GFM1: variants seen among roughly 807,000 people sequenced by gnomAD.
GFM1 encodes the protein G elongation factor mitochondrial 1.
Under a neutral mutation model 96.2 loss-of-function variants are expected in GFM1, and 62 were observed. The observed-to-expected ratio is 0.64, with a 90% CI of 0.53 to 0.80. The LOEUF is 0.80. Among genes scored for constraint, GFM1 ranks in the 30% least tolerant of loss-of-function variants. GFM1 has a pLI of 0.00. For missense variants in GFM1, 852 were observed against 916.6 expected, an observed-to-expected ratio of 0.93 and a Z score of 0.91; for synonymous variants, 282 against 312.9, an observed-to-expected ratio of 0.90 and a Z score of 1.04.
intron 13 of GFM1, chr3:158,672,409 GGTAGTTGAT>G (rs1724423100): frequency 6.2e-7 from 1 of 1,613,974 alleles, no homozygotes; most frequent in South Asian, 1.1e-5. Flanking sequence ...GTCCCCTGCT[GGTAGTTGAT>G]GTAGTTCTGT....
intron 8 of GFM1, among the ~76,000 whole-genome samples, chr3:158,655,283 A>G (rs1383941752): frequency 6.6e-6 from 1 of 152,156 alleles, no homozygotes; most frequent in Non-Finnish European, 1.5e-5. Flanking sequence ...CAGGAGTTCG[A>G]GACCAGCCTA....
At chr3:158,671,076 C>G in intron 13 of GFM1, 1 of 1,414,160 alleles carries the variant, frequency 7.1e-7, no homozygotes, top group African/African-American at 1.5e-5. Context: ...ATTATACTTG[C>G]ATTGTTAGAA....
chr3:158,664,587 CT>C (rs1469504766), intron 11 of GFM1, among the ~76,000 whole-genome samples: 8 of 152,316 alleles, frequency 5.3e-5, no homozygotes, highest in African/African-American at 1.9e-4. Flanking sequence ...TCTCCTGCCA[CT>C]TCTTCCTTCA....
Position 158,669,478 on chromosome 3 carries a change from T to TTTGATAAAATGTGTTGTCTTC in GFM1, c.1601+3095_1601+3115dup, listed in dbSNP as rs745907847. 10 of 1,613,952 alleles carry TTTGATAAAATGTGTTGTCTTC rather than the reference T, an allele frequency of 6.2e-6. No homozygotes were observed. In the Admixed American group the frequency reaches 1.7e-4, roughly 27 times the overall value. ...AGCGGTTCCTTCATGGACTTAAGTC[T>TTTGATAAAATGTGTTGTCTTC]TTGATAAAATGTGTTGTCTTCTTCA... On this transcript the variant is annotated intron_variant, in intron 13 of 17. Transcript: ENST00000486715.
chr3:158,662,532 T>C (rs1576750442), intron 10 of GFM1, 96 bp from the exon 11 acceptor site: 1 of 769,622 alleles, frequency 1.3e-6, no homozygotes, highest in Non-Finnish European at 2.4e-6. Flanking sequence ...ATTTATCCTT[T>C]GTTCTGTTGT....
chr3:158,669,158 A>T, intron 13 of GFM1: 3 of 1,574,698 alleles, frequency 1.9e-6, no homozygotes, highest in Non-Finnish European at 8.7e-7. Flanking sequence ...TTTATATGAT[A>T]ATCATATATA....
chr3:158,662,805 G>T (rs967124258), intron 11 of GFM1, 121 bp downstream of exon 11: 5 of 729,938 alleles, frequency 6.8e-6, no homozygotes, highest in Non-Finnish European at 1.2e-5. Flanking sequence ...TATTTCCTCT[G>T]TTGGTATTGA....
intron 7 of GFM1, 146 bp downstream of exon 7, chr3:158,653,613 T>C (rs950810293): frequency 3.0e-6 from 2 of 661,686 alleles, no homozygotes; most frequent in Non-Finnish European, 5.2e-6. Context: ...GTAACAATTT[T>C]GACGTATAGA....
chr3:158,686,708 TAATTG>T (rs1725883872), intron 15 of GFM1, among the ~76,000 whole-genome samples: 1 of 147,530 alleles, frequency 6.8e-6, no homozygotes, highest in African/African-American at 2.5e-5. Context: ...CACTAGATTA[TAATTG>T]AATTGAGGTT....
In GFM1 at chr3:158,649,876, T is replaced by C. The variant is rs535139085; in HGVS notation, c.689+719T>C. ...CCGTAGTTTGCATTTCTGGAAGGTT[T>C]CCAGTTGATGCTGCTCTTACAGGTC... On this transcript the variant is annotated intron_variant, in intron 5 of 17. Coordinates refer to ENST00000486715, the MANE Select transcript of GFM1 (RefSeq NM_024996.7). 127 of 725,276 alleles carry C rather than the reference T, an allele frequency of 1.8e-4. No homozygotes were observed. In the African/African-American group the frequency reaches 2.1e-3, roughly 12 times the overall value. The allele number at this position is 725,276 out of a possible 1,614,324, so 44.9% of individuals were successfully genotyped here. A position where few individuals can be genotyped will look rare whatever the true frequency, so the allele number is the denominator to read the frequency against.
chr3:158,669,447 G>A (rs746001557), intron 13 of GFM1: 1 of 1,611,006 alleles, frequency 6.2e-7, no homozygotes, highest in South Asian at 1.1e-5. Context: ...AATATTTTGT[G>A]CTTCTAGCGG....
rs771204961 is a variant in GFM1 at position 158,646,108 on chromosome 3, C to A, written c.235-57C>A. 3.1e-6 allele frequency: 5 copies of A among 1,608,550 alleles called. No individual in the cohort carries two copies. The East Asian group carries it at 6.7e-5, about 22-fold the overall frequency. On this transcript the variant is annotated intron_variant, in intron 2 of 17. Transcript: ENST00000486715. ...ACTGTTTCCATTTCAGTTAAGATTTCTTTCCTTCTTGGAATGCAGGGACAG... is the reference window on the plus strand; with the variant it reads ...ACTGTTTCCATTTCAGTTAAGATTTATTTCCTTCTTGGAATGCAGGGACAG...
At chr3:158,662,174 C>T (rs1050620358) in intron 10 of GFM1, among the ~76,000 whole-genome samples, 1 of 151,182 alleles carries the variant, frequency 6.6e-6, no homozygotes, top group Non-Finnish European at 1.5e-5. Context: ...GGGATAATAC[C>T]TGCTTCTCAG....
intron 4 of GFM1, 83 bp downstream of exon 4, chr3:158,647,030 C>A: frequency 9.4e-7 from 1 of 1,064,814 alleles, no homozygotes; most frequent in South Asian, 1.3e-5. Context: ...AATTCACTGT[C>A]ATTAAACTTT....
intron 4 of GFM1, 59 bp downstream of exon 4, chr3:158,647,006 C>G (rs1721876937): frequency 7.7e-7 from 1 of 1,297,546 alleles, no homozygotes; most frequent in Non-Finnish European, 1.1e-6. Context: ...AACCTTATAT[C>G]CAAAAGGGTG....
chr3:158,644,814 T>TTGTC, intron 1 of GFM1, 99 bp downstream of exon 1: 1 of 989,884 alleles, frequency 1.0e-6, no homozygotes, highest in East Asian at 2.6e-5. Context: ...TCCTCATGAC[T>TTGTC]GACAGCTCCG....
chr3:158,653,270 AT>A (rs1278800544), intron 6 of GFM1, 39 bp from the exon 7 acceptor site: 1 of 1,542,202 alleles, frequency 6.5e-7, no homozygotes. Context: ...ACAACATGTA[AT>A]TTTAACATTA....
chr3:158,674,666 A>G (rs141761831), intron 13 of GFM1, among the ~76,000 whole-genome samples: 142 of 152,316 alleles, frequency 9.3e-4, no homozygotes, highest in African/African-American at 3.3e-3. Context: ...TCCATACTTC[A>G]AGGTTTTTTA....
rs760939614 is a variant in GFM1, at chr3:158,691,374, G to A, written c.2163G>A (p.Gln721=). ...GEYTMEYSRY[Q]PCLPSTQEDV... is the part of the protein sequence containing the mutation. ...ACACAATGGAGTATAGCAGGTATCA[G>A]CCATGTTTACCATCCACACAAGAAG... The change falls in exon 18 of 18, where the codon CAG becomes CAA. Residue 721 remains glutamine (Q), a synonymous_variant. Coordinates refer to ENST00000486715, the MANE Select transcript of GFM1 (RefSeq NM_024996.7). 3 of 1,613,560 alleles carry A rather than the reference G, an allele frequency of 1.9e-6. No individual in the cohort carries two copies. In the African/African-American group the frequency reaches 4.0e-5, roughly 22 times the overall value.
Sources: allele counts gnomAD v4.1 joint callset (sites outside exome capture counted in the v4.1 genomes callset), GRCh38; gene constraint gnomAD v4.1.1; transcripts MANE v1.5; gene names NCBI Gene and HGNC (gene_info 2026-07-23, HGNC 2026-07-21).